PALM2AKAP2: variants seen among roughly 807,000 people sequenced by gnomAD.
PALM2AKAP2 encodes PALM2 and AKAP2 fusion.
Under a neutral mutation model 71.5 loss-of-function variants are expected in PALM2AKAP2, and 37 were observed. The observed-to-expected ratio is 0.52, with a 90% CI of 0.40 to 0.68. PALM2AKAP2 has a LOEUF of 0.68. PALM2AKAP2 is among the 30% of genes least tolerant of loss of function. The pLI, the probability that PALM2AKAP2 is intolerant of heterozygous loss-of-function variation, is 0.00. For missense variants in PALM2AKAP2, 1,224 were observed against 1,191.8 expected, an observed-to-expected ratio of 1.03 and a Z score of -0.40; for synonymous variants, 468 against 478.8, an observed-to-expected ratio of 0.98 and a Z score of 0.29.
chr9:109,674,979 C>A (rs914039081), intron 1 of PALM2AKAP2, among the ~76,000 whole-genome samples: 2 of 151,896 alleles, frequency 1.3e-5, no homozygotes, highest in Non-Finnish European at 2.9e-5. Context: ...CAGTATAATA[C>A]TCAATAAATT....
At chr9:109,881,583 G>A (rs539475756) in intron 3 of PALM2AKAP2, among the ~76,000 whole-genome samples, 5 of 152,306 alleles carry the variant, frequency 3.3e-5, no homozygotes, top group African/African-American at 1.2e-4. Context: ...CTCAGAGAGT[G>A]GTTTCTTTAT....
At chr9:109,875,968 T>A (rs1829711218) in intron 2 of PALM2AKAP2, among the ~76,000 whole-genome samples, 1 of 152,118 alleles carries the variant, frequency 6.6e-6, no homozygotes, top group Admixed American at 6.5e-5. Context: ...ATGATGACAT[T>A]CGTTTGACAA....
chr9:110,166,350 A>G (rs1836732830), intron 3 of PALM2AKAP2, among the ~76,000 whole-genome samples: 1 of 152,192 alleles, frequency 6.6e-6, no homozygotes, highest in Admixed American at 6.5e-5. Flanking sequence ...CCTTCTGAGA[A>G]AGCCTGTGAA....
At chr9:110,112,848 G>A (rs491356) in intron 1 of PALM2AKAP2, among the ~76,000 whole-genome samples, 31,682 of 152,232 alleles carry the variant, frequency 0.21, 4,432 homozygotes, top group East Asian at 0.52. Context: ...CAAGAGTACT[G>A]ACCTCCTACG....
intron 6 of PALM2AKAP2, among the ~76,000 whole-genome samples, chr9:109,935,071 C>T (rs1352905217): frequency 6.6e-6 from 1 of 152,188 alleles, no homozygotes; most frequent in African/African-American, 2.4e-5. Flanking sequence ...ACATTCCCTC[C>T]CATTTCAAAC....
chr9:109,820,411 G>A (rs145718934), intron 1 of PALM2AKAP2, among the ~76,000 whole-genome samples: 134 of 152,300 alleles, frequency 8.8e-4, no homozygotes, highest in African/African-American at 3.0e-3. Context: ...CGTCACCTCA[G>A]TCCATTGTGT....
At chr9:110,107,125 T>C (rs754966706) in intron 1 of PALM2AKAP2, among the ~76,000 whole-genome samples, 2 of 152,210 alleles carry the variant, frequency 1.3e-5, no homozygotes, top group African/African-American at 2.4e-5. Context: ...GTAACAAAGA[T>C]GCAAAAATAT....
chr9:110,136,431 G>A, exon 2 of PALM2AKAP2: 1 of 1,614,202 alleles, frequency 6.2e-7, no homozygotes, highest in South Asian at 1.1e-5. Context: ...GCCAACTGCT[G>A]TGATTCTGCT....
At chr9:109,793,316 A>G (rs1290843311) in intron 1 of PALM2AKAP2, among the ~76,000 whole-genome samples, 4 of 152,234 alleles carry the variant, frequency 2.6e-5, no homozygotes, top group Non-Finnish European at 5.9e-5. Context: ...ACCTTTGAAT[A>G]ATATAAGTCT....
intron 1 of PALM2AKAP2, among the ~76,000 whole-genome samples, chr9:109,759,908 A>G (rs1829024454): frequency 6.6e-6 from 1 of 152,170 alleles, no homozygotes; most frequent in Non-Finnish European, 1.5e-5. Flanking sequence ...ATTGTGGTGT[A>G]ATTTATATAT....
chr9:110,021,581 C>T (rs914449149), intron 7 of PALM2AKAP2, among the ~76,000 whole-genome samples: 2 of 152,010 alleles, frequency 1.3e-5, no homozygotes, highest in African/African-American at 4.8e-5. Flanking sequence ...CTCTACTTAC[C>T]CTTATAAATT....
chr9:109,701,689 G>T (rs1828062065), intron 1 of PALM2AKAP2, among the ~76,000 whole-genome samples: 1 of 152,080 alleles, frequency 6.6e-6, no homozygotes, highest in Admixed American at 6.5e-5. Flanking sequence ...CATGGGCAAG[G>T]ACTTCATGTC....
chr9:109,888,518 G>A (rs1830016081), intron 3 of PALM2AKAP2, among the ~76,000 whole-genome samples: 1 of 152,016 alleles, frequency 6.6e-6, no homozygotes, highest in African/African-American at 2.4e-5. Context: ...AGACCAGCCT[G>A]GCCAACATGG....
At chr9:109,757,408 C>T (rs1828980245) in intron 1 of PALM2AKAP2, among the ~76,000 whole-genome samples, 1 of 152,070 alleles carries the variant, frequency 6.6e-6, no homozygotes, top group African/African-American at 2.4e-5. Flanking sequence ...ATGCCTGGTG[C>T]CCTTACCACT....
intron 1 of PALM2AKAP2, among the ~76,000 whole-genome samples, chr9:109,733,315 G>A (rs1828583640): frequency 6.6e-6 from 1 of 152,210 alleles, no homozygotes. Flanking sequence ...TCAAAGTATG[G>A]TGTATAATGA....
intron 3 of PALM2AKAP2, among the ~76,000 whole-genome samples, chr9:109,888,711 CAAAAAAAAAAA>C (rs34495775): frequency 5.1e-5 from 5 of 98,818 alleles, no homozygotes; most frequent in African/African-American, 8.1e-5. Context: ...ATTTTGCCTC[CAAAAAAAAAAA>C]AAAAAAAAAA....
At chr9:110,161,915 A>G (rs961776573) in intron 3 of PALM2AKAP2, among the ~76,000 whole-genome samples, 179 bp from the exon 10 acceptor site, 3 of 151,830 alleles carry the variant, frequency 2.0e-5, no homozygotes, top group African/African-American at 7.3e-5. Context: ...TGCTGCAAAG[A>G]ATAGACTTAT....
chr9:109,999,212 A>G (rs542672244), intron 6 of PALM2AKAP2, among the ~76,000 whole-genome samples: 65 of 152,116 alleles, frequency 4.3e-4, no homozygotes, highest in Middle Eastern at 3.4e-3. Context: ...GGTGGCGTGC[A>G]CTTGTAATCC....
intron 1 of PALM2AKAP2, among the ~76,000 whole-genome samples, chr9:110,127,442 A>G (rs1835633117): frequency 6.6e-6 from 1 of 152,068 alleles, no homozygotes; most frequent in South Asian, 2.1e-4. Context: ...CCCACAATCA[A>G]CACGGGCCCC....
Sources: allele counts gnomAD v4.1 joint callset (sites outside exome capture counted in the v4.1 genomes callset), GRCh38; gene constraint gnomAD v4.1.1; transcripts MANE v1.5; gene names NCBI Gene and HGNC (gene_info 2026-07-23, HGNC 2026-07-21).